The following TRIM54 variants were observed in gnomAD, a reference collection of about 807,000 sequenced individuals.
TRIM54 encodes tripartite motif-containing protein 54.
A neutral mutation model predicts 42.0 loss-of-function variants in TRIM54; 40 were observed. That is an observed-to-expected ratio of 0.95 (90% CI 0.74 to 1.24). The LOEUF (loss-of-function observed/expected upper bound fraction) is 1.24. Among genes scored for constraint, TRIM54 ranks in the 50% most tolerant of loss-of-function variants. TRIM54 has a pLI of 0.00. For missense variants in TRIM54, 485 were observed against 480.3 expected, an observed-to-expected ratio of 1.01 and a Z score of -0.09; for synonymous variants, 199 against 194.9, an observed-to-expected ratio of 1.02 and a Z score of -0.17.
chr2:27,301,845 G>A (rs1035174554), intron 3 of TRIM54, among the ~76,000 whole-genome samples: 11 of 151,992 alleles, frequency 7.2e-5, no homozygotes, highest in Non-Finnish European at 1.5e-4. Context: ...CTCCCAAAGC[G>A]TTACTCCACT....
chr2:27,295,153 C>T (rs1678831546), intron 1 of TRIM54, among the ~76,000 whole-genome samples: 1 of 151,632 alleles, frequency 6.6e-6, no homozygotes, highest in Non-Finnish European at 1.5e-5. Flanking sequence ...GCAACCTCGG[C>T]CTCCTGGGTT....
chr2:27,290,493 C>T (rs1403152793), intron 1 of TRIM54, among the ~76,000 whole-genome samples: 1 of 152,070 alleles, frequency 6.6e-6, no homozygotes, highest in African/African-American at 2.4e-5. Flanking sequence ...CGGTGAAACC[C>T]CGTCTCTACT....
intron 1 of TRIM54, among the ~76,000 whole-genome samples, chr2:27,283,140 GA>G (rs1678434825): frequency 6.6e-6 from 1 of 152,164 alleles, no homozygotes; most frequent in African/African-American, 2.4e-5. Context: ...GGAGTGCTGG[GA>G]TCTACCAAGG....
Position 27,282,510 on chromosome 2 carries a change from A to G in TRIM54, c.-222A>G. 1 of 397,662 alleles carries G rather than the reference A, an allele frequency of 2.5e-6. No homozygotes were observed. Among genetic ancestry groups the G allele is most frequent in the Non-Finnish European group, 4.4e-6 (1 of 224,944 alleles). The allele number at this position is 397,662 out of a possible 1,614,324, so 24.6% of individuals were successfully genotyped here. ...ATTTTACAGAGAGAGAGGGATAGCTAAAACTACGTGAGCCTGGCGAGGGTG... is the reference window on the plus strand; with the variant it reads ...ATTTTACAGAGAGAGAGGGATAGCTGAAACTACGTGAGCCTGGCGAGGGTG... On this transcript the variant is annotated 5_prime_UTR_variant, in exon 1 of 9. Coordinates refer to ENST00000380075, the MANE Select transcript of TRIM54 (RefSeq NM_187841.3).
chr2:27,305,141 C>T (rs1679158740), intron 4 of TRIM54, 87 bp downstream of exon 4: 2 of 1,180,560 alleles, frequency 1.7e-6, no homozygotes, highest in Admixed American at 2.1e-5. Context: ...TCTCTGACCT[C>T]TCGCCAAACT....
rs1679196139 is a variant in TRIM54 at position 27,306,097 on chromosome 2, C to G, written c.861C>G (p.Ile287Met). ...ALYLQQAKEL[I>M]NKVGAMSKVE... is the part of the protein sequence containing the mutation. ...CCCTGCAGCAGGCCAAGGAGCTGAT[C>G]AATAAGTGAGTAGGCATAGCGGGAA... Residue 287 changes from isoleucine (I) to methionine (M), a missense_variant, in exon 6 of 9, where the codon ATC becomes ATG. Physicochemically the swap from Ile to Met is conservative, Grantham distance 10. Coordinates refer to ENST00000380075, the MANE Select transcript of TRIM54 (RefSeq NM_187841.3). The surrounding 1 kb of genome is among the most constrained non-coding windows in gnomAD (Gnocchi z 6.1). The G allele has an allele frequency of 1.2e-6, 2 of 1,613,812 alleles. No individual in the cohort carries two copies. Among genetic ancestry groups the G allele is most frequent in the African/African-American group, 1.3e-5 (1 of 74,936 alleles).
rs977377357 is a variant in TRIM54, at chr2:27,298,004, C to A, written c.169-563C>A. On this transcript the variant is annotated intron_variant, in intron 1 of 8. Coordinates refer to ENST00000380075, the MANE Select transcript of TRIM54 (RefSeq NM_187841.3). ...TCAAAAAAAAAAAAAAAAAAAAAGG[C>A]CGGGGGGAGGGCATCAGAGATAGCA... is the stretch of plus-strand genomic sequence containing the variant. Among the ~76,000 whole-genome samples, 10 of 126,222 alleles carry A rather than the reference C, an allele frequency of 7.9e-5. No individual in the cohort carries two copies. In the East Asian group the frequency reaches 2.1e-3, roughly 27 times the overall value. The allele number at this position is 126,222 out of a possible 152,430, so 82.8% of individuals were successfully genotyped here.
chr2:27,286,162 A>AT (rs1553379453), intron 1 of TRIM54, among the ~76,000 whole-genome samples: 5 of 150,816 alleles, frequency 3.3e-5, no homozygotes, highest in Non-Finnish European at 5.9e-5. Context: ...ATTTTTGCAT[A>AT]TTATTTTTTT....
In TRIM54 at chr2:27,306,443, TC is replaced by T. The variant is rs1679213651; in HGVS notation, c.992-11del. ...GCAGGGACTCCACCTCACCAGGCCT[TC>T]CTTGGGCTCAGGCGCTTCCGGGGAG... is the stretch of plus-strand genomic sequence containing the variant. On this transcript the variant is annotated splice_polypyrimidine_tract_variant and intron_variant, in intron 7 of 8. Transcript: ENST00000380075. This position sits in a 1 kb window ranked among gnomAD's most constrained non-coding sequence, Gnocchi z 6.1. 6.2e-7 allele frequency: 1 copy of T among 1,603,760 alleles called. No individual in the cohort carries two copies. Among genetic ancestry groups the T allele is most frequent in the African/African-American group, 1.3e-5 (1 of 74,706 alleles).
chr2:27,285,108 G>A (rs905281830), intron 1 of TRIM54, among the ~76,000 whole-genome samples: 1 of 152,148 alleles, frequency 6.6e-6, no homozygotes, highest in Non-Finnish European at 1.5e-5. Context: ...AAGCACCCTT[G>A]GGCCCTCCAA....
intron 1 of TRIM54, 47 bp from the exon 2 acceptor site, chr2:27,298,520 C>T (rs1402025040): frequency 6.4e-7 from 1 of 1,558,134 alleles, no homozygotes; most frequent in Non-Finnish European, 8.8e-7. Flanking sequence ...CTCCGAGTCC[C>T]TTCATGCCTC....
At chr2:27,299,452 T>C (rs1558587979) in intron 3 of TRIM54, 36 bp downstream of exon 3, 4 of 1,606,050 alleles carry the variant, frequency 2.5e-6, no homozygotes, top group South Asian at 1.1e-5. Flanking sequence ...ATGTGAGAGA[T>C]GGGGGCTTAG....
At position 27,305,187 on chromosome 2, in the gene TRIM54, A is replaced by G; in HGVS notation, c.609+133A>G. 4 of 771,176 alleles carry G rather than the reference A, an allele frequency of 5.2e-6. No homozygotes were observed. The Admixed American group carries it at 1.0e-4, about 20-fold the overall frequency. 47.8% of individuals were successfully genotyped at this position (771,176 alleles called of 1,614,324 possible). ...TTTCTGGGGTCCTGGGAGTGGTGGG[A>G]GGTGCTTTTGCCAGGCTGCTGGGTG... On this transcript the variant is annotated intron_variant, in intron 4 of 8. Coordinates refer to ENST00000380075, the MANE Select transcript of TRIM54 (RefSeq NM_187841.3).
Position 27,298,675 on chromosome 2 carries a change from T to A in TRIM54, c.277T>A (p.Tyr93Asn). 6.2e-7 allele frequency: 1 copy of A among 1,614,178 alleles called. No individual in the cohort carries two copies. The highest frequency in any genetic ancestry group is 1.1e-5 in the South Asian group (1 of 91,082). Reference sequence around the variant, plus strand: ...GGTTGTCCTGGACAGACACGGTGTCTACGGCCTGCAGCGAAACCTGCTAGT... The same window carrying A: ...GGTTGTCCTGGACAGACACGGTGTCAACGGCCTGCAGCGAAACCTGCTAGT... ...HEVVLDRHGV[Y>N]GLQRNLLVEN... The change falls in exon 2 of 9, where the codon TAC becomes AAC. Residue 93 changes from tyrosine to asparagine, a missense_variant. Tyr to Asn is a moderately radical substitution (Grantham distance 143). Transcript: ENST00000380075.
intron 1 of TRIM54, among the ~76,000 whole-genome samples, chr2:27,285,428 A>G (rs1248811488): frequency 6.6e-6 from 1 of 152,228 alleles, no homozygotes; most frequent in East Asian, 1.9e-4. Context: ...GTTAACGGTT[A>G]TCAAAGTGAT....
At chr2:27,283,784 G>GCACACACACACACACACACACA (rs3073589) in intron 1 of TRIM54, among the ~76,000 whole-genome samples, 1 of 132,158 alleles carries the variant, frequency 7.6e-6, no homozygotes, top group East Asian at 2.2e-4. Context: ...ACACACGCGC[G>GCACACACACACACACACACACA]CACACACACA....
chr2:27,283,617 GATACTAGT>G (rs1678446455), intron 1 of TRIM54, among the ~76,000 whole-genome samples: 1 of 151,720 alleles, frequency 6.6e-6, no homozygotes, highest in African/African-American at 2.4e-5. Context: ...CAAATTCACA[GATACTAGT>G]ATAGCCACTG....
intron 1 of TRIM54, among the ~76,000 whole-genome samples, chr2:27,297,980 C>CA (rs60106105): frequency 0.18 from 10,184 of 56,310 alleles, 2,202 homozygotes; most frequent in African/African-American, 0.49. Context: ...GAACCTGTCT[C>CA]AAAAAAAAAA....
chr2:27,305,707 C>G lies in TRIM54; in HGVS notation c.733C>G (p.Arg245Gly). ...CCGGGAGCAAGAGGAGAAGCTGCAG[C>G]GCGTCCGCGGCCTCATCCGTCAGTA... is the stretch of plus-strand genomic sequence containing the variant. ...LAREQEEKLQRVRGLIRQYGD... is the reference protein window; with the variant it reads ...LAREQEEKLQGVRGLIRQYGD... Residue 245 changes from arginine to glycine, a missense_variant, in exon 5 of 9, where the codon CGC (arginine) becomes GGC (glycine). Transcript: ENST00000380075. The G allele has an allele frequency of 6.2e-7, 1 of 1,612,298 alleles. No individual in the cohort carries two copies. The highest frequency in any genetic ancestry group is 8.5e-7 in the Non-Finnish European group (1 of 1,179,332).
Sources: allele counts gnomAD v4.1 joint callset (sites outside exome capture counted in the v4.1 genomes callset), GRCh38; gene constraint gnomAD v4.1.1; non-coding constraint Gnocchi (gnomAD v3.1); transcripts MANE v1.5; gene names NCBI Gene and HGNC (gene_info 2026-07-23, HGNC 2026-07-21).